KIRREL1: variants seen among roughly 807,000 people sequenced by gnomAD.
The protein encoded by KIRREL1 is kin of IRRE-like protein 1.
In KIRREL1, 25 loss-of-function variants were observed where a neutral mutation model predicts 83.3. The ratio of observed to expected loss-of-function variants is 0.30; its 90% confidence interval spans 0.22 to 0.42. KIRREL1 has a LOEUF of 0.42. KIRREL1 is among the 10% of genes least tolerant of loss of function. KIRREL1 has a pLI of 1.00. For synonymous variants in KIRREL1, 388 were observed against 410.4 expected (o/e 0.95, Z 0.66); for missense variants, 812 against 1,032.3 (o/e 0.79, Z 2.92).
chr1:158,061,049 T>C (rs1420866307), intron 1 of KIRREL1, among the ~76,000 whole-genome samples: 2 of 152,156 alleles, frequency 1.3e-5, no homozygotes, highest in Non-Finnish European at 2.9e-5. Flanking sequence ...TGCCCTGCTC[T>C]GTCCTCTACC....
chr1:158,075,643 A>G (rs908453329), intron 1 of KIRREL1, among the ~76,000 whole-genome samples: 1 of 152,178 alleles, frequency 6.6e-6, no homozygotes, highest in Non-Finnish European at 1.5e-5. Flanking sequence ...AGCTCACATG[A>G]CACGCGTCTA....
intron 8 of KIRREL1, among the ~76,000 whole-genome samples, 182 bp downstream of exon 8, chr1:158,088,636 T>C (rs919963015): frequency 1.2e-4 from 18 of 151,424 alleles, no homozygotes; most frequent in Middle Eastern, 3.4e-3. Flanking sequence ...AGGCGCCCGC[T>C]ACCACGCCCG....
chr1:158,029,372 T>C (rs61819729), intron 1 of KIRREL1, among the ~76,000 whole-genome samples: 122,673 of 149,316 alleles, frequency 0.82, 51,408 homozygotes, highest in Non-Finnish European at 0.9. Flanking sequence ...TGTGTGCACG[T>C]GCGCGCGCAT....
chr1:158,067,291 G>A (rs970522148), intron 1 of KIRREL1, among the ~76,000 whole-genome samples: 1 of 152,214 alleles, frequency 6.6e-6, no homozygotes, highest in East Asian at 1.9e-4. Flanking sequence ...AATGGGAAAG[G>A]AAAGGATGGC....
rs1423537658 is a variant in KIRREL1, at chr1:158,078,133, C to T, written c.345C>T (p.Thr115=). The part of the protein sequence containing the change: ...AALRSRRAKL[T]VLIPPEDTRI... ...TGCGCTCTCGGCGGGCCAAACTCAC[C>T]GTGCTCAGTAAGGACCCCAATACCC... Residue 115 remains threonine, a synonymous_variant, in exon 3 of 15, where the codon ACC becomes ACT. Transcript: ENST00000359209. The T allele has an allele frequency of 7.4e-6, 12 of 1,613,980 alleles. No homozygotes were observed. Among genetic ancestry groups the T allele is most frequent in the Non-Finnish European group, 9.3e-6 (11 of 1,180,014 alleles).
rs1310084566 is a variant in KIRREL1, at chr1:158,031,132, T to C, written c.52+37404T>C. The C allele has an allele frequency of 2.0e-5, 3 of 152,160 alleles. No individual in the cohort carries two copies. In the East Asian group the frequency reaches 5.8e-4, roughly 29 times the overall value. The allele number at this position is 152,160 out of a possible 1,614,324, so 9.4% of individuals were successfully genotyped here. On this transcript the variant is annotated intron_variant, in intron 1 of 14. Transcript: ENST00000359209. ...ATTAGACATCATCGGAACAGGGATA[T>C]TACACAAATGAATTAAACTCAAACC...
chr1:158,096,725 C>T lies in KIRREL1; in HGVS notation c.*1605C>T, dbSNP rs761583330. 3.1e-5 allele frequency: 14 copies of T among 456,552 alleles called. No homozygotes were observed. Among genetic ancestry groups the T allele is most frequent in the South Asian group, 1.2e-4 (8 of 64,568 alleles). 28.3% of individuals were successfully genotyped at this position (456,552 alleles called of 1,614,324 possible). A position where few individuals can be genotyped will look rare whatever the true frequency, so the allele number is the denominator to read the frequency against. On this transcript the variant is annotated 3_prime_UTR_variant, in exon 15 of 15. Transcript: ENST00000359209. ...CCACTTTCTGACCAAAGAGAACAGG[C>T]GCTCCAAGGAGAACCTGTACCCCTG... is the stretch of plus-strand genomic sequence containing the variant.
chr1:158,077,650 G>T (rs1214310673), intron 2 of KIRREL1, among the ~76,000 whole-genome samples: 1 of 152,118 alleles, frequency 6.6e-6, no homozygotes, highest in East Asian at 1.9e-4. Flanking sequence ...CCACACACTC[G>T]CTCTCCCTCT....
Position 158,088,373 on chromosome 1 carries a change from T to G in KIRREL1, c.963T>G (p.Ile321Met). The G allele has an allele frequency of 6.2e-7, 1 of 1,613,888 alleles. No individual in the cohort carries two copies. The highest frequency in any genetic ancestry group is 8.5e-7 in the Non-Finnish European group (1 of 1,179,974). The change falls in exon 8 of 15, where the codon ATT becomes ATG. Residue 321 changes from isoleucine to methionine, a missense_variant. Ile to Met is a conservative substitution (Grantham distance 10, BLOSUM62 1). Transcript: ENST00000359209. ...ACCCCAAACCCACAACCACAGACAT[T>G]GGCTCTGATGTGACCCTTACCTGTG... ...VVDPKPTTTD[I>M]GSDVTLTCVW...
Position 158,094,972 on chromosome 1 carries a change from C to T in KIRREL1, c.2126C>T (p.Pro709Leu). The change falls in exon 15 of 15, where the codon CCC (proline) becomes CTC (leucine). Residue 709 changes from proline to leucine, a missense_variant. By Grantham distance (98) the Pro-to-Leu change is moderately conservative (BLOSUM62 -3). Around this residue, in one of 3 missense-constraint regions of KIRREL1, gnomAD observed 334 missense variants for 383.7 expected, o/e 0.87. Coordinates refer to ENST00000359209, the MANE Select transcript of KIRREL1 (RefSeq NM_018240.7). This position sits in a 1 kb window ranked among gnomAD's most constrained non-coding sequence, Gnocchi z 4.6. Reference protein sequence around the residue: ...AGYPTYRLGYPQAPPSGLERT... With the variant: ...AGYPTYRLGYLQAPPSGLERT... ...TACCCCACCTACCGACTGGGCTACCCCCAGGCCCCACCCTCTGGCCTGGAG... is the reference window on the plus strand; with the variant it reads ...TACCCCACCTACCGACTGGGCTACCTCCAGGCCCCACCCTCTGGCCTGGAG... 6.2e-7 allele frequency: 1 copy of T among 1,614,078 alleles called. No homozygotes were observed. Among genetic ancestry groups the T allele is most frequent in the Non-Finnish European group, 8.5e-7 (1 of 1,179,998 alleles).
rs756677036 is a variant in KIRREL1 at position 158,094,928 on chromosome 1, C to T, written c.2082C>T (p.Pro694=). 1.9e-6 allele frequency: 3 copies of T among 1,614,106 alleles called. No individual in the cohort carries two copies. The highest frequency in any genetic ancestry group is 2.5e-6 in the Non-Finnish European group (3 of 1,180,008). Residue 694 remains proline (P), a synonymous_variant, in exon 15 of 15, where the codon CCC becomes CCT. Coordinates refer to ENST00000359209, the MANE Select transcript of KIRREL1 (RefSeq NM_018240.7). This position sits in a 1 kb window ranked among gnomAD's most constrained non-coding sequence, Gnocchi z 4.6. ...YENYEKFNSH[P]FPGAAGYPTY... ...ACTATGAGAAGTTCAACTCCCATCCCTTCCCTGGGGCAGCTGGGTACCCCA... is the reference window on the plus strand; with the variant it reads ...ACTATGAGAAGTTCAACTCCCATCCTTTCCCTGGGGCAGCTGGGTACCCCA...
At chr1:157,995,786 A>T (rs959128244) in intron 1 of KIRREL1, among the ~76,000 whole-genome samples, 1 of 151,136 alleles carries the variant, frequency 6.6e-6, no homozygotes, top group South Asian at 2.1e-4. Context: ...ACCTGGTGAA[A>T]GTGTCTGGGG....
intron 1 of KIRREL1, among the ~76,000 whole-genome samples, chr1:158,016,348 G>A (rs1659825457): frequency 6.6e-6 from 1 of 151,912 alleles, no homozygotes; most frequent in Non-Finnish European, 1.5e-5. Context: ...ACTATTTTAA[G>A]TAAACAAATA....
At chr1:158,072,569 A>T (rs1327895330) in intron 1 of KIRREL1, among the ~76,000 whole-genome samples, 1 of 152,030 alleles carries the variant, frequency 6.6e-6, no homozygotes, top group African/African-American at 2.4e-5. Flanking sequence ...AGAGGAGGTG[A>T]CTGTTTGAAT....
chr1:158,094,790 C>G lies in KIRREL1; in HGVS notation c.1944C>G (p.Ala648=). 6.2e-7 allele frequency: 1 copy of G among 1,614,052 alleles called. No individual in the cohort carries two copies. Among genetic ancestry groups the G allele is most frequent in the Non-Finnish European group, 8.5e-7 (1 of 1,180,006 alleles). Residue 648 remains alanine (A), a synonymous_variant, in exon 15 of 15, where the codon GCC becomes GCG. Transcript: ENST00000359209. The surrounding 1 kb of genome is among the most constrained non-coding windows in gnomAD (Gnocchi z 4.6). ...SSRLSHSSGY[A]QLNTYSRGPA... The stretch of plus-strand genomic sequence containing the variant: ...GTCTCTCCCACTCCAGCGGCTATGC[C>G]CAGCTCAACACCTATAGCCGGGGCC...
At chr1:158,077,260 C>T (rs1661705904) in intron 2 of KIRREL1, among the ~76,000 whole-genome samples, 2 of 151,960 alleles carry the variant, frequency 1.3e-5, no homozygotes, top group South Asian at 4.2e-4. Context: ...AGAGATGGGT[C>T]TGGTAGATCT....
chr1:158,098,651 C>T lies in KIRREL1; in HGVS notation c.*3531C>T, dbSNP rs907515676. On this transcript the variant is annotated 3_prime_UTR_variant, in exon 15 of 15. Coordinates refer to ENST00000359209, the MANE Select transcript of KIRREL1 (RefSeq NM_018240.7). The stretch of plus-strand genomic sequence containing the variant: ...GCCCTATATCCTAAATTCTGGATCC[C>T]TCAAAGTCCAGCCACAGAGTTTGCA... 6.6e-6 allele frequency: 1 copy of T among 152,238 alleles called. No homozygotes were observed. The highest frequency in any genetic ancestry group is 2.4e-5 in the African/African-American group (1 of 41,452). 9.4% of individuals were successfully genotyped at this position (152,238 alleles called of 1,614,324 possible). A position where few individuals can be genotyped will look rare whatever the true frequency, so the allele number is the denominator to read the frequency against.
At chr1:158,054,677 A>T (rs1661003922) in intron 1 of KIRREL1, among the ~76,000 whole-genome samples, 1 of 152,196 alleles carries the variant, frequency 6.6e-6, no homozygotes, top group South Asian at 2.1e-4. Flanking sequence ...GCAGAGCTGG[A>T]GTTCAGATCC....
In KIRREL1 at chr1:158,094,370, C is replaced by T. The variant is rs148421111; in HGVS notation, c.1777C>T (p.Arg593Trp). The change falls in exon 14 of 15, where the codon CGG (arginine) becomes TGG (tryptophan). Residue 593 changes from arginine to tryptophan, a missense_variant. Physicochemically the swap from Arg to Trp is moderately radical, Grantham distance 101. Coordinates refer to ENST00000359209, the MANE Select transcript of KIRREL1 (RefSeq NM_018240.7). This position sits in a 1 kb window ranked among gnomAD's most constrained non-coding sequence, Gnocchi z 4.6. ...QDLRCDTIDTREEYEMKDPTN... is the reference protein window; with the variant it reads ...QDLRCDTIDTWEEYEMKDPTN... ...CCTGCGCTGCGACACCATCGACACC[C>T]GGGAGGAGTATGAGATGAAGGTGGG... The T allele has an allele frequency of 8.1e-6, 13 of 1,612,502 alleles. No homozygotes were observed. The highest frequency in any genetic ancestry group is 4.0e-5 in the African/African-American group (3 of 74,870).
Sources: allele counts gnomAD v4.1 joint callset (sites outside exome capture counted in the v4.1 genomes callset), GRCh38; gene constraint gnomAD v4.1.1; regional missense constraint gnomAD v4.1.1; non-coding constraint Gnocchi (gnomAD v3.1); transcripts MANE v1.5; gene names NCBI Gene and HGNC (gene_info 2026-07-23, HGNC 2026-07-21).